Variants in CELA3A observed in about 807,000 individuals in gnomAD.
CELA3A encodes the protein chymotrypsin-like elastase family member 3A.
Under a neutral mutation model 38.6 loss-of-function variants are expected in CELA3A, and 35 were observed. That is an observed-to-expected ratio of 0.91 (90% CI 0.69 to 1.20). The LOEUF (loss-of-function observed/expected upper bound fraction) is 1.20. CELA3A is among the 50% of genes most tolerant of loss of function. CELA3A has a pLI of 0.00. For synonymous variants in CELA3A, 143 were observed against 136.7 expected (o/e 1.05, Z -0.32); for missense variants, 343 against 354.2 (o/e 0.97, Z 0.25).
At chr1:22,007,829 G>A (rs994686693) in intron 6 of CELA3A, among the ~76,000 whole-genome samples, 1 of 151,140 alleles carries the variant, frequency 6.6e-6, no homozygotes, top group African/African-American at 2.5e-5. Context: ...TCAATTCTGT[G>A]GTTCTAAAGT....
In CELA3A at chr1:22,002,829, C is replaced by T. The variant is rs1175485446; in HGVS notation, c.44-174C>T. ...CTGGACTCCTGGGATTCTGGAAAGC[C>T]CTGCTCTAGTTTAAATGTTCACTGT... On this transcript the variant is annotated intron_variant, in intron 1 of 7. Coordinates refer to ENST00000290122, the MANE Select transcript of CELA3A (RefSeq NM_005747.5). Among the ~76,000 whole-genome samples, 9 of 151,324 alleles carry T rather than the reference C, an allele frequency of 5.9e-5. No individual in the cohort carries two copies. The South Asian group carries it at 1.9e-3, about 31-fold the overall frequency.
chr1:22,005,865 C>T, intron 4 of CELA3A, 69 bp downstream of exon 4: 1 of 1,603,184 alleles, frequency 6.2e-7, no homozygotes, highest in East Asian at 2.2e-5. Context: ...ACAGCCAAGT[C>T]TGAGTAGGCT....
chr1:22,010,634 A>G lies in CELA3A; in HGVS notation c.795+777A>G, dbSNP rs1406313688. The G allele has an allele frequency of 1.3e-5, 2 of 154,928 alleles. 1 individual carries two copies. The highest frequency in any genetic ancestry group is 2.8e-5 in the Non-Finnish European group (2 of 70,960). 9.6% of individuals were successfully genotyped at this position (154,928 alleles called of 1,614,324 possible). On this transcript the variant is annotated intron_variant, in intron 7 of 7. Transcript: ENST00000290122. ...CCGTCTCAAAAAAAAAAAAAAAAAA[A>G]AAAGAGTAATAGCTAGCTGGGTGCA...
chr1:22,009,705 G>T lies in CELA3A; in HGVS notation c.643G>T (p.Gly215Cys). 1.2e-6 allele frequency: 2 copies of T among 1,611,782 alleles called. No homozygotes were observed. ...ACCCACTCCTCTCTGACGGTTCCAG[G>T]GTGACTCTGGAGGACCCCTCAACTG... ...AGGYIRSGCN[G>C]DSGGPLNCPT... Residue 215 changes from glycine (G) to cysteine (C), a missense_variant and splice_region_variant, in exon 7 of 8, where the codon GGT (glycine) becomes TGT (cysteine). Coordinates refer to ENST00000290122, the MANE Select transcript of CELA3A (RefSeq NM_005747.5).
intron 2 of CELA3A, among the ~76,000 whole-genome samples, chr1:22,005,051 A>G (rs960831138): frequency 1.3e-4 from 19 of 149,816 alleles, no homozygotes; most frequent in African/African-American, 4.0e-4. Context: ...ATGAGCTGAG[A>G]TTGCCACCAT....
intron 1 of CELA3A, among the ~76,000 whole-genome samples, 191 bp downstream of exon 1, chr1:22,001,908 G>C (rs1162526054): frequency 6.6e-6 from 1 of 151,116 alleles, no homozygotes; most frequent in African/African-American, 2.5e-5. Flanking sequence ...GGGAAGCTGT[G>C]GATGGTGAAA....
intron 4 of CELA3A, among the ~76,000 whole-genome samples, chr1:22,006,481 C>T (rs1291872066): frequency 6.6e-6 from 1 of 151,126 alleles, no homozygotes; most frequent in Non-Finnish European, 1.5e-5. Flanking sequence ...GAGCCAAGAT[C>T]ATGCCACTGC....
At position 22,009,135 on chromosome 1, in the gene CELA3A, G is replaced by A. The variant is rs995742928; in HGVS notation, c.643-570G>A. On this transcript the variant is annotated intron_variant, in intron 6 of 7. Coordinates refer to ENST00000290122, the MANE Select transcript of CELA3A (RefSeq NM_005747.5). ...AATCCCAGCACTTCGGGAGGCTGAG[G>A]CGGGCGGATCACGTGGTCAGGAGAT... Among the ~76,000 whole-genome samples the A allele has an allele frequency of 9.9e-5, 15 of 151,236 alleles. 1 individual carries two copies. The highest frequency in any genetic ancestry group is 3.7e-4 in the African/African-American group (15 of 40,852).
chr1:22,004,075 G>GTTTT (rs5772975), intron 2 of CELA3A, among the ~76,000 whole-genome samples: 23 of 135,642 alleles, frequency 1.7e-4, no homozygotes, highest in African/African-American at 2.5e-4. Context: ...TCTTTTCTTT[G>GTTTT]TTTTTTTTTT....
At chr1:22,001,940 G>A (rs1278630012) in intron 1 of CELA3A, among the ~76,000 whole-genome samples, 1 of 151,136 alleles carries the variant, frequency 6.6e-6, no homozygotes, top group Non-Finnish European at 1.5e-5. Context: ...GGCTGTGGTG[G>A]AAGTCCTTGA....
chr1:22,009,506 T>C (rs1405562369), intron 6 of CELA3A, among the ~76,000 whole-genome samples, 199 bp from the exon 7 acceptor site: 1 of 151,120 alleles, frequency 6.6e-6, no homozygotes, highest in Non-Finnish European at 1.5e-5. Context: ...GAGCCAAGCT[T>C]GCGCCACTGC....
chr1:22,009,830 C>G lies in CELA3A; in HGVS notation c.768C>G (p.Val256=). The G allele has an allele frequency of 6.2e-7, 1 of 1,612,710 alleles. No individual in the cohort carries two copies. The highest frequency in any genetic ancestry group is 8.5e-7 in the Non-Finnish European group (1 of 1,179,658). Residue 256 remains valine, a synonymous_variant, in exon 7 of 8, where the codon GTC becomes GTG. Transcript: ENST00000290122. ...FIWKPTVFTR[V]SAFIDWIEET... is the part of the protein sequence containing the mutation. ...GGAAGCCCACGGTGTTCACTCGAGT[C>G]TCCGCCTTCATCGACTGGATTGAGG...
At chr1:22,004,645 C>G in intron 2 of CELA3A, among the ~76,000 whole-genome samples, 1 of 151,950 alleles carries the variant, frequency 6.6e-6, no homozygotes. Context: ...AAAAACAGAC[C>G]AGAAGCCTGA....
intron 6 of CELA3A, among the ~76,000 whole-genome samples, chr1:22,008,614 C>G (rs1644965337): frequency 6.7e-6 from 1 of 150,348 alleles, no homozygotes; most frequent in East Asian, 2.0e-4. Flanking sequence ...AAAAAGTTAG[C>G]CGGGTGTGGT....
chr1:22,012,405 G>C, intron 7 of CELA3A, 45 bp from the exon 8 acceptor site: 1 of 1,078,958 alleles, frequency 9.3e-7, no homozygotes, highest in Non-Finnish European at 1.3e-6. Context: ...TCCAGAACCT[G>C]TGCTCCTAAA....
Position 22,005,764 on chromosome 1 carries a change from T to C in CELA3A, c.330T>C (p.His110=), listed in dbSNP as rs773516320. Residue 110 remains histidine, a synonymous_variant, in exon 4 of 8, where the codon CAT becomes CAC. Coordinates refer to ENST00000290122, the MANE Select transcript of CELA3A (RefSeq NM_005747.5). ...TCAACTCTGAGGAGCTGTTTGTGCATCCACTCTGGAACCGCTCGTGTGTGG... is the reference window on the plus strand; with the variant it reads ...TCAACTCTGAGGAGCTGTTTGTGCACCCACTCTGGAACCGCTCGTGTGTGG... ...IPINSEELFV[H]PLWNRSCVAC... The C allele has an allele frequency of 2.5e-6, 4 of 1,612,012 alleles. No individual in the cohort carries two copies. Among genetic ancestry groups the C allele is most frequent in the Admixed American group, 3.3e-5 (2 of 59,964 alleles).
intron 2 of CELA3A, among the ~76,000 whole-genome samples, chr1:22,003,852 G>C (rs190206293): frequency 1.3e-5 from 2 of 150,010 alleles, no homozygotes; most frequent in African/African-American, 4.9e-5. Flanking sequence ...TTACAGGCAC[G>C]CGCCACCAAG....
At chr1:22,006,740 T>C (rs1353807085) in intron 4 of CELA3A, 138 bp from the exon 5 acceptor site, 1 of 728,150 alleles carries the variant, frequency 1.4e-6, no homozygotes, top group South Asian at 2.0e-5. Flanking sequence ...ATAATAATAA[T>C]AATGATGATG....
At position 22,005,683 on chromosome 1, in the gene CELA3A, G is replaced by C; in HGVS notation, c.249G>C (p.Val83=). The C allele has an allele frequency of 2.5e-6, 4 of 1,612,450 alleles. No individual in the cohort carries two copies. The highest frequency in any genetic ancestry group is 1.7e-4 in the Middle Eastern group (1 of 6,058). Residue 83 remains valine (V), a synonymous_variant, in exon 4 of 8, where the codon GTG becomes GTC. Coordinates refer to ENST00000290122, the MANE Select transcript of CELA3A (RefSeq NM_005747.5). The part of the protein sequence containing the change: ...HCISRDLTYQ[V]VLGEYNLAVK... ...GCAGGAGGGATCTGACCTACCAGGT[G>C]GTGTTGGGTGAGTACAACCTTGCTG...
Sources: gnomAD v4.1 joint callset for allele counts (sites outside exome capture counted in the v4.1 genomes callset) on GRCh38, gnomAD v4.1.1 for gene constraint, MANE v1.5 for transcripts, NCBI Gene and HGNC (gene_info 2026-07-23, HGNC 2026-07-21) for gene names.